The following MAST4 variants were observed in gnomAD, a reference collection of about 807,000 sequenced individuals.
MAST4 encodes the protein microtubule-associated serine/threonine-protein kinase 4.
In MAST4, 89 loss-of-function variants were observed where a neutral mutation model predicts 162.7. That is an observed-to-expected ratio of 0.55 (90% CI 0.46 to 0.65). The LOEUF is 0.65. Ranked by LOEUF, MAST4 falls within the 30% of genes least tolerant of loss-of-function variation. MAST4 has a pLI of 0.00. For missense variants in MAST4, 3,153 were observed against 3,374.0 expected, an observed-to-expected ratio of 0.93 and a Z score of 1.62; for synonymous variants, 1,479 against 1,361.1, an observed-to-expected ratio of 1.09 and a Z score of -1.91.
intron 4 of MAST4, among the ~76,000 whole-genome samples, chr5:66,979,156 T>C (rs138914506): frequency 6.6e-6 from 1 of 152,292 alleles, no homozygotes; most frequent in African/African-American, 2.4e-5. Flanking sequence ...TGGTTAGTAA[T>C]ATCGAACCTA....
chr5:66,697,108 G>A (rs1432535292), intron 1 of MAST4, among the ~76,000 whole-genome samples: 1 of 152,194 alleles, frequency 6.6e-6, no homozygotes, highest in Non-Finnish European at 1.5e-5. Flanking sequence ...TTTCTTGAAT[G>A]GAAAGAAGTC....
At chr5:67,132,228 G>A (rs1290827258) in intron 16 of MAST4, among the ~76,000 whole-genome samples, 1 of 152,022 alleles carries the variant, frequency 6.6e-6, no homozygotes, top group Non-Finnish European at 1.5e-5. Flanking sequence ...GAACGTGCAG[G>A]TTTGTTACAT....
intron 1 of MAST4, among the ~76,000 whole-genome samples, chr5:66,621,758 A>G (rs1219847246): frequency 6.6e-6 from 1 of 152,206 alleles, no homozygotes; most frequent in East Asian, 1.9e-4. Flanking sequence ...GTAATGAACA[A>G]AGCAAGCAAA....
intron 2 of MAST4, among the ~76,000 whole-genome samples, chr5:66,776,346 T>C (rs1754602257): frequency 2.6e-5 from 4 of 152,222 alleles, no homozygotes; most frequent in Admixed American, 2.6e-4. Flanking sequence ...CAAAAGAGCG[T>C]CATTGAGTAG....
chr5:67,166,105 A>G lies in MAST4; in HGVS notation c.6926A>G (p.His2309Arg), dbSNP rs371345908. The G allele has an allele frequency of 4.5e-5, 72 of 1,611,016 alleles. No individual in the cohort carries two copies. Among genetic ancestry groups the G allele is most frequent in the Non-Finnish European group, 6.1e-5 (72 of 1,178,620 alleles). The change falls in exon 29 of 29, where the codon CAC becomes CGC. Residue 2309 changes from histidine (H) to arginine (R), a missense_variant. By Grantham distance (29) the His-to-Arg change is conservative. This residue lies in a region of MAST4 where 1,644 missense variants were observed against 1,495.0 expected (regional missense o/e 1.10). Coordinates refer to ENST00000403625, the MANE Select transcript of MAST4 (RefSeq NM_001164664.2). ...EKPVHLPRPG[H>R]PGPSEPADQK... ...CCTGTGCATTTGCCAAGGCCGGGAC[A>G]CCCAGGGCCTAGTGAGCCAGCGGAC...
intron 3 of MAST4, among the ~76,000 whole-genome samples, chr5:66,879,903 C>T (rs1034898050): frequency 2.0e-5 from 3 of 152,166 alleles, no homozygotes; most frequent in Non-Finnish European, 2.9e-5. Context: ...AATACATGTA[C>T]CTTTTGACCC....
intron 2 of MAST4, among the ~76,000 whole-genome samples, chr5:66,764,021 G>A (rs547756113): frequency 1.1e-4 from 16 of 152,194 alleles, no homozygotes; most frequent in Non-Finnish European, 2.4e-4. Flanking sequence ...CTTAATCCAC[G>A]AGATAGTTTT....
chr5:66,863,223 G>A (rs1482974168), intron 3 of MAST4, among the ~76,000 whole-genome samples: 1 of 152,214 alleles, frequency 6.6e-6, no homozygotes, highest in African/African-American at 2.4e-5. Flanking sequence ...TTTCTGGGAA[G>A]TGAGAGCCAG....
intron 3 of MAST4, among the ~76,000 whole-genome samples, chr5:66,829,265 G>C (rs929183712): frequency 6.6e-6 from 1 of 152,000 alleles, no homozygotes; most frequent in Non-Finnish European, 1.5e-5. Context: ...TCAGTTTTGT[G>C]TCGGGATCAA....
At chr5:66,879,692 T>A (rs1761562058) in intron 3 of MAST4, among the ~76,000 whole-genome samples, 2 of 152,182 alleles carry the variant, frequency 1.3e-5, no homozygotes, top group South Asian at 4.1e-4. Context: ...TTTGTATTTT[T>A]TGTAGAGATG....
chr5:66,991,874 C>T (rs1159351614), intron 4 of MAST4, among the ~76,000 whole-genome samples: 1 of 152,158 alleles, frequency 6.6e-6, no homozygotes, highest in African/African-American at 2.4e-5. Context: ...CAGAGACAGC[C>T]TGGGCCTTCC....
intron 7 of MAST4, 140 bp from the exon 8 acceptor site, chr5:67,100,295 C>T (rs1764889449): frequency 1.7e-5 from 13 of 754,156 alleles, no homozygotes; most frequent in Non-Finnish European, 2.7e-5. Flanking sequence ...TACATTTAGG[C>T]AGTCGTTCTT....
chr5:67,071,849 A>G (rs1258824805), intron 5 of MAST4, among the ~76,000 whole-genome samples: 1 of 152,232 alleles, frequency 6.6e-6, no homozygotes, highest in Non-Finnish European at 1.5e-5. Flanking sequence ...TATAGTATTG[A>G]TAGGAAAATG....
At chr5:66,869,053 T>C (rs1201001301) in intron 3 of MAST4, among the ~76,000 whole-genome samples, 1 of 152,190 alleles carries the variant, frequency 6.6e-6, no homozygotes, top group Non-Finnish European at 1.5e-5. Context: ...GAGATTAATT[T>C]TTTTCCCGAT....
intron 12 of MAST4, chr5:67,114,780 GCTCAC>G (rs1766682697): frequency 6.6e-6 from 1 of 152,358 alleles, no homozygotes; most frequent in African/African-American, 2.4e-5. Flanking sequence ...GGGCGCAGTG[GCTCAC>G]GCCTGTAATC....
At chr5:67,000,759 G>C (rs184575751) in intron 4 of MAST4, among the ~76,000 whole-genome samples, 3 of 151,446 alleles carry the variant, frequency 2.0e-5, no homozygotes, top group Admixed American at 6.6e-5. Context: ...AAAAAAAAGG[G>C]GGGGGGTGGC....
At chr5:66,625,589 G>T (rs1355300486) in intron 1 of MAST4, among the ~76,000 whole-genome samples, 2 of 152,252 alleles carry the variant, frequency 1.3e-5, no homozygotes, top group East Asian at 1.9e-4. Context: ...ATTTAAAGGT[G>T]CTCAACATCT....
intron 5 of MAST4, among the ~76,000 whole-genome samples, chr5:67,087,514 C>A (rs1031050016): frequency 6.6e-6 from 1 of 152,190 alleles, no homozygotes; most frequent in Non-Finnish European, 1.5e-5. Flanking sequence ...GAGAAACTGT[C>A]TCGATTGCCT....
chr5:67,071,890 A>G lies in MAST4; in HGVS notation c.763+17398A>G, dbSNP rs78731375. 9.2e-3 allele frequency among the ~76,000 whole-genome samples: 1,397 copies of G among 152,324 alleles called. 20 individuals carry two copies. The highest frequency in any genetic ancestry group is 0.03 in the African/African-American group (1,257 of 41,542). ...TTAAAAAGATACTTTAAAATGTAGT[A>G]TAAATGATAATTCACTAATAGCAAT... On this transcript the variant is annotated intron_variant, in intron 5 of 28. Transcript: ENST00000403625.
Sources: allele counts gnomAD v4.1 joint callset (sites outside exome capture counted in the v4.1 genomes callset), GRCh38; gene constraint gnomAD v4.1.1; regional missense constraint gnomAD v4.1.1; transcripts MANE v1.5; gene names NCBI Gene and HGNC (gene_info 2026-07-23, HGNC 2026-07-21).